Variants in ARHGAP33 observed in about 807,000 individuals in gnomAD.
The protein encoded by ARHGAP33 is rho GTPase-activating protein 33.
A neutral mutation model predicts 126.2 loss-of-function variants in ARHGAP33; 57 were observed. The observed-to-expected ratio is 0.45, with a 90% CI of 0.36 to 0.56. The LOEUF (loss-of-function observed/expected upper bound fraction) is 0.56. Ranked by LOEUF, ARHGAP33 falls within the 20% of genes least tolerant of loss-of-function variation. The pLI is 0.00. For missense variants in ARHGAP33, 1,500 were observed against 1,748.3 expected (o/e 0.86, Z 2.53); for synonymous variants, 711 against 755.0 (o/e 0.94, Z 0.95).
At position 35,787,887 on chromosome 19, in the gene ARHGAP33, C is replaced by A. The variant is rs1338359105; in HGVS notation, c.3322C>A (p.Arg1108Ser). ...SGPTRSWSPF[R>S]SMPPDRLNAS... The stretch of plus-strand genomic sequence containing the variant: ...CCCCACCCGCTCCTGGAGTCCCTTT[C>A]GCTCCATGCCCCCCGACAGGCTCAA... The change falls in exon 21 of 21, where the codon CGC becomes AGC. Residue 1108 changes from arginine to serine, a missense_variant. This residue lies in a region of ARHGAP33 where 642 missense variants were observed against 634.0 expected (regional missense o/e 1.01). Transcript: ENST00000007510. 1.2e-6 allele frequency: 2 copies of A among 1,609,944 alleles called. No homozygotes were observed. Among genetic ancestry groups the A allele is most frequent in the South Asian group, 1.1e-5 (1 of 90,916 alleles).
At position 35,788,370 on chromosome 19, in the gene ARHGAP33, C is replaced by G; in HGVS notation, c.3805C>G (p.Pro1269Ala). 2 of 1,595,100 alleles carry G rather than the reference C, an allele frequency of 1.3e-6. No individual in the cohort carries two copies. The highest frequency in any genetic ancestry group is 1.7e-6 in the Non-Finnish European group (2 of 1,171,730). Residue 1269 changes from proline (P) to alanine (A), a missense_variant, in exon 21 of 21, where the codon CCT (proline) becomes GCT (alanine). Around this residue, in one of 6 missense-constraint regions of ARHGAP33, gnomAD observed 642 missense variants for 634.0 expected, o/e 1.01. Transcript: ENST00000007510. ...QRGEGAGPPP[P>A]YPTPSWSLHS... ...AGGGGAGGGGGCTGGTCCCCCACCC[C>G]CTTACCCCACTCCCAGCTGGTCCCT...
At chr19:35,783,677 G>C (rs1348927238) in intron 15 of ARHGAP33, among the ~76,000 whole-genome samples, 11 of 152,096 alleles carry the variant, frequency 7.2e-5, no homozygotes, top group Admixed American at 7.2e-4. Flanking sequence ...ACCAGACAGA[G>C]GGGTGACTCA....
chr19:35,784,509 A>C, intron 16 of ARHGAP33, 192 bp downstream of exon 16: 2 of 1,303,790 alleles, frequency 1.5e-6, no homozygotes, highest in Non-Finnish European at 1.9e-6. Context: ...TCCGCTCAGG[A>C]TTCCCACCTC....
intron 6 of ARHGAP33, among the ~76,000 whole-genome samples, chr19:35,779,348 A>C (rs935021870): frequency 1.3e-5 from 2 of 152,122 alleles, no homozygotes; most frequent in African/African-American, 4.8e-5. Flanking sequence ...TTAAGGATAC[A>C]AGGGTTTAAA....
At chr19:35,777,508 C>T in intron 1 of ARHGAP33, 137 bp from the exon 2 acceptor site, 1 of 708,822 alleles carries the variant, frequency 1.4e-6, no homozygotes, top group Non-Finnish European at 2.5e-6. Context: ...CTCACCTCCC[C>T]CGACCTGCCA....
At chr19:35,781,881 C>T (rs544653581) in intron 12 of ARHGAP33, among the ~76,000 whole-genome samples, 3 of 151,742 alleles carry the variant, frequency 2.0e-5, no homozygotes, top group Admixed American at 1.3e-4. Context: ...AGGAGCCAGG[C>T]GAGATCTCGG....
At position 35,786,055 on chromosome 19, in the gene ARHGAP33, T is replaced by G; in HGVS notation, c.1943-358T>G. ...CTCTCCGACCTCTGCGGGGGGCTGC[T>G]TATCCACCCCACCCAGCCGTGCCTC... On this transcript the variant is annotated intron_variant, in intron 19 of 20. Transcript: ENST00000007510. The surrounding 1 kb of genome is among the most constrained non-coding windows in gnomAD (Gnocchi z 7.0). 1 of 1,168,484 alleles carries G rather than the reference T, an allele frequency of 8.6e-7. No individual in the cohort carries two copies. Among genetic ancestry groups the G allele is most frequent in the Non-Finnish European group, 1.1e-6 (1 of 944,946 alleles). 72.4% of individuals were successfully genotyped at this position (1,168,484 alleles called of 1,614,324 possible).
intron 5 of ARHGAP33, 21 bp from the exon 6 acceptor site, chr19:35,779,011 A>G (rs778947202): frequency 6.5e-7 from 1 of 1,547,666 alleles, no homozygotes; most frequent in Non-Finnish European, 8.7e-7. Context: ...ACAGAGGCCC[A>G]CTCTGACAAC....
At chr19:35,780,071 A>G in intron 6 of ARHGAP33, 140 bp from the exon 7 acceptor site, 1 of 1,191,920 alleles carries the variant, frequency 8.4e-7, no homozygotes. Context: ...ACAGGAATCT[A>G]GGTGTTTGAC....
Position 35,787,411 on chromosome 19 carries a change from G to A in ARHGAP33, c.2846G>A (p.Ser949Asn). ...VGGEPLGTSG[S>N]GPPPNSLAHP... ...GGGGAGCCCCTGGGGACCTCAGGGAGTGGGCCACCTCCCAACTCCCTAGCA... is the reference window on the plus strand; with the variant it reads ...GGGGAGCCCCTGGGGACCTCAGGGAATGGGCCACCTCCCAACTCCCTAGCA... The change falls in exon 21 of 21, where the codon AGT becomes AAT. Residue 949 changes from serine (S) to asparagine (N), a missense_variant. Physicochemically the swap from Ser to Asn is conservative, Grantham distance 46. Transcript: ENST00000007510. The A allele has an allele frequency of 6.2e-7, 1 of 1,610,882 alleles. No individual in the cohort carries two copies. Among genetic ancestry groups the A allele is most frequent in the East Asian group, 2.2e-5 (1 of 44,814 alleles).
In ARHGAP33 at chr19:35,785,345, G is replaced by A; in HGVS notation, c.1867+11G>A. ...CACCGCAGCCTTCAGGTGAGAGGCT[G>A]AGCCATGGGCTGGTGGGCAGCGATG... is the stretch of plus-strand genomic sequence containing the variant. On this transcript the variant is annotated intron_variant, in intron 18 of 20. Coordinates refer to ENST00000007510, the MANE Select transcript of ARHGAP33 (RefSeq NM_001366178.1). The A allele has an allele frequency of 6.2e-7, 1 of 1,613,644 alleles. No homozygotes were observed. The highest frequency in any genetic ancestry group is 8.5e-7 in the Non-Finnish European group (1 of 1,179,634).
intron 15 of ARHGAP33, among the ~76,000 whole-genome samples, chr19:35,783,288 C>A (rs1445485635): frequency 1.3e-5 from 2 of 152,096 alleles, no homozygotes; most frequent in African/African-American, 4.8e-5. Flanking sequence ...TCTCCCCTGC[C>A]GGAGTTCACA....
chr19:35,785,144 G>T, intron 17 of ARHGAP33, 38 bp downstream of exon 17: 2 of 1,584,482 alleles, frequency 1.3e-6, no homozygotes, highest in South Asian at 2.2e-5. Flanking sequence ...GGCAGGTGGA[G>T]GCCTGGTTCC....
rs534976413 is a variant in ARHGAP33, at chr19:35,785,078, C to A, written c.1693C>A (p.Pro565Thr). Reference sequence around the variant, plus strand: ...GGGGACGCCCACGGAGCCCACAACTCCCAAGGCCCCGGCCTCACCTGCGGA... The same window carrying A: ...GGGGACGCCCACGGAGCCCACAACTACCAAGGCCCCGGCCTCACCTGCGGA... ...RLGTPTEPTT[P>T]KAPASPAERR... is the part of the protein sequence containing the mutation. Residue 565 changes from proline to threonine, a missense_variant, in exon 17 of 21, where the codon CCC becomes ACC. By Grantham distance (38) the Pro-to-Thr change is conservative. This residue lies in a region of ARHGAP33 where 300 missense variants were observed against 291.1 expected (regional missense o/e 1.03). Coordinates refer to ENST00000007510, the MANE Select transcript of ARHGAP33 (RefSeq NM_001366178.1). 1 of 1,571,882 alleles carries A rather than the reference C, an allele frequency of 6.4e-7. No homozygotes were observed. The highest frequency in any genetic ancestry group is 1.2e-5 in the South Asian group (1 of 86,608).
In ARHGAP33 at chr19:35,785,198, G is replaced by GGA. The variant is rs1568430404; in HGVS notation, c.1737_1738dup (p.Gly580GlufsTer53). ...CTCCCCCAAACCGCAGGAGGAAAGG[G>GGA]GAGAGAGGGGAGAAGCAGCGGAAGC... is the stretch of plus-strand genomic sequence containing the variant. On this transcript the variant is annotated frameshift_variant, in exon 18 of 21. Coordinates refer to ENST00000007510, the MANE Select transcript of ARHGAP33 (RefSeq NM_001366178.1). LOFTEE classifies it high-confidence loss of function. The GGA allele has an allele frequency of 6.3e-7, 1 of 1,577,960 alleles. No homozygotes were observed. The highest frequency in any genetic ancestry group is 8.6e-7 in the Non-Finnish European group (1 of 1,158,406).
In ARHGAP33 at chr19:35,786,561, G is replaced by A; in HGVS notation, c.2091G>A (p.Glu697=). ...SSSESSSSSS[E]SSAAGLGALS... ...CTGAGTCCTCCTCTTCCTCCTCTGA[G>A]TCCTCAGCAGCTGGGCTGGGGGCAC... Residue 697 remains glutamate (E), a synonymous_variant, in exon 20 of 21, where the codon GAG becomes GAA. Transcript: ENST00000007510. This position sits in a 1 kb window ranked among gnomAD's most constrained non-coding sequence, Gnocchi z 7.0. 6.5e-7 allele frequency: 1 copy of A among 1,536,042 alleles called. No individual in the cohort carries two copies. The highest frequency in any genetic ancestry group is 8.7e-7 in the Non-Finnish European group (1 of 1,146,842).
intron 19 of ARHGAP33, chr19:35,785,864 C>T (rs548528040): frequency 6.9e-6 from 8 of 1,153,064 alleles, no homozygotes; most frequent in East Asian, 6.4e-5. Flanking sequence ...CCTTGCTTTC[C>T]AGGTCTGATC....
In ARHGAP33 at chr19:35,785,265, G is replaced by T; in HGVS notation, c.1798G>T (p.Gly600Cys). Residue 600 changes from glycine to cysteine, a missense_variant, in exon 18 of 21, where the codon GGC becomes TGC. This residue lies in a region of ARHGAP33 where 300 missense variants were observed against 291.1 expected (regional missense o/e 1.03). Coordinates refer to ENST00000007510, the MANE Select transcript of ARHGAP33 (RefSeq NM_001366178.1). ...SWKTFFALGR[G>C]PSVPRKKPLP... ...GAAGACGTTCTTTGCACTGGGCCGG[G>T]GCCCCAGTGTCCCTCGAAAGAAGCC... 1 of 1,596,472 alleles carries T rather than the reference G, an allele frequency of 6.3e-7. No individual in the cohort carries two copies. The highest frequency in any genetic ancestry group is 8.5e-7 in the Non-Finnish European group (1 of 1,171,122).
chr19:35,785,547 C>G (rs1415970458), intron 19 of ARHGAP33, 64 bp downstream of exon 19: 1 of 1,603,272 alleles, frequency 6.2e-7, no homozygotes, highest in Non-Finnish European at 8.5e-7. Flanking sequence ...GGAATTGGGG[C>G]CCTGGTTTGG....
Sources: gnomAD v4.1 joint callset for allele counts (sites outside exome capture counted in the v4.1 genomes callset) on GRCh38, gnomAD v4.1.1 for gene constraint, gnomAD v4.1.1 regional missense constraint, Gnocchi (gnomAD v3.1) non-coding constraint, MANE v1.5 for transcripts, NCBI Gene and HGNC (gene_info 2026-07-23, HGNC 2026-07-21) for gene names.